Variants in LSM4 observed in about 807,000 individuals in gnomAD.
LSM4 encodes U6 snRNA-associated Sm-like protein LSm4.
Under a neutral mutation model 22.3 loss-of-function variants are expected in LSM4, and 15 were observed. That is an observed-to-expected ratio of 0.67 (90% CI 0.45 to 1.03). The LOEUF is 1.03. Ranked by LOEUF, LSM4 falls within the 50% of genes least tolerant of loss-of-function variation. The pLI, the probability that LSM4 is intolerant of heterozygous loss-of-function variation, is 0.00. For synonymous variants in LSM4, 90 were observed against 79.8 expected (o/e 1.13, Z -0.68); for missense variants, 127 against 198.0 (o/e 0.64, Z 2.15).
chr19:18,315,993 A>C, intron 2 of LSM4, 31 bp downstream of exon 2: 2 of 1,609,356 alleles, frequency 1.2e-6, no homozygotes, highest in Non-Finnish European at 1.7e-6. Context: ...CCCCCTCTCA[A>C]ACAGGCTTTC....
chr19:18,309,484 G>C, intron 4 of LSM4, 194 bp downstream of exon 4: 1 of 589,072 alleles, frequency 1.7e-6, no homozygotes. Context: ...AGGAGGCGCA[G>C]TGAGAGGAGG....
rs530775875 is a variant in LSM4 at position 18,317,767 on chromosome 19, G to T, written c.4-1702C>A. ...GCTGGTTTTGAACTCTTGGCCTCAG[G>T]GAATCCTCCCATCTCAAGCTCCCAA... On this transcript the variant is annotated intron_variant, in intron 1 of 4. Transcript: ENST00000593829. Among the ~76,000 whole-genome samples the T allele has an allele frequency of 4.9e-4, 74 of 152,110 alleles. 1 individual carries two copies. Among genetic ancestry groups the T allele is most frequent in the Admixed American group, 1.6e-3 (24 of 15,252 alleles).
At chr19:18,313,457 G>C (rs542913851) in intron 2 of LSM4, among the ~76,000 whole-genome samples, 4 of 152,306 alleles carry the variant, frequency 2.6e-5, no homozygotes, top group African/African-American at 9.6e-5. Flanking sequence ...GGTATGTTTT[G>C]AGAACAAAGA....
intron 1 of LSM4, 127 bp downstream of exon 1, chr19:18,322,891 G>T: frequency 7.4e-7 from 1 of 1,350,028 alleles, no homozygotes; most frequent in Non-Finnish European, 1.0e-6. Flanking sequence ...CGTGCCGGGG[G>T]GCGGGACTCG....
At chr19:18,307,817 T>G (rs1970247655) in intron 4 of LSM4, among the ~76,000 whole-genome samples, 1 of 148,026 alleles carries the variant, frequency 6.8e-6, no homozygotes, top group Admixed American at 6.7e-5. Context: ...CAGAGGACAC[T>G]AAGTCACATT....
chr19:18,311,253 C>T (rs1030190059), intron 3 of LSM4, among the ~76,000 whole-genome samples: 5 of 152,246 alleles, frequency 3.3e-5, no homozygotes, highest in Middle Eastern at 3.4e-3. Context: ...CTGCCCACAG[C>T]GCTCCAGAGG....
intron 4 of LSM4, among the ~76,000 whole-genome samples, chr19:18,309,129 C>G (rs1305596183): frequency 2.0e-5 from 3 of 152,134 alleles, no homozygotes; most frequent in Admixed American, 6.5e-5. Context: ...TGGGGCCTTC[C>G]GGGGGCAGCC....
intron 1 of LSM4, 68 bp downstream of exon 1, chr19:18,322,950 G>T: frequency 1.3e-6 from 2 of 1,575,890 alleles, no homozygotes; most frequent in South Asian, 2.3e-5. Flanking sequence ...CACAGCGCCC[G>T]CCCGCAGGGA....
chr19:18,316,098 G>A (rs778892934), intron 1 of LSM4, 33 bp from the exon 2 acceptor site: 7 of 1,611,416 alleles, frequency 4.3e-6, no homozygotes, highest in Non-Finnish European at 5.1e-6. Flanking sequence ...TGATTTGTCT[G>A]TTTGACCAGC....
chr19:18,311,155 C>T (rs946268838), intron 3 of LSM4, among the ~76,000 whole-genome samples: 6 of 152,118 alleles, frequency 3.9e-5, no homozygotes, highest in Non-Finnish European at 7.4e-5. Context: ...GGTGACTTGG[C>T]GCCCAGCTCT....
intron 2 of LSM4, among the ~76,000 whole-genome samples, chr19:18,315,129 G>A (rs1445668937): frequency 5.3e-5 from 8 of 151,708 alleles, no homozygotes; most frequent in Non-Finnish European, 8.8e-5. Context: ...TGCCCGCCTC[G>A]GCCTCCCAAA....
chr19:18,317,606 C>T (rs1970371601), intron 1 of LSM4, among the ~76,000 whole-genome samples: 1 of 152,142 alleles, frequency 6.6e-6, no homozygotes, highest in Non-Finnish European at 1.5e-5. Context: ...CTTGGCCTCT[C>T]AAAGTGCTGG....
chr19:18,309,826 G>A lies in LSM4; in HGVS notation c.180C>T (p.Tyr60=), dbSNP rs1422381055. ...GDKFWRMPEC[Y]IRGSTIKYLR... ...GGTACTTGATGGTGCTGCCGCGGATGTAGCACTCGGGCATCCGCCAGAACT... is the reference window on the plus strand; with the variant it reads ...GGTACTTGATGGTGCTGCCGCGGATATAGCACTCGGGCATCCGCCAGAACT... Residue 60 remains tyrosine (Y), a synonymous_variant, in exon 4 of 5, where the codon TAC becomes TAT. Coordinates refer to ENST00000593829, the MANE Select transcript of LSM4 (RefSeq NM_012321.5). 1 of 1,613,794 alleles carries A rather than the reference G, an allele frequency of 6.2e-7. No homozygotes were observed. Among genetic ancestry groups the A allele is most frequent in the Admixed American group, 1.7e-5 (1 of 59,966 alleles).
chr19:18,309,354 T>A (rs545297061), intron 4 of LSM4: 4 of 377,546 alleles, frequency 1.1e-5, no homozygotes, highest in African/African-American at 8.4e-5. Context: ...TGGCTCTGGA[T>A]AGAGCCACGC....
chr19:18,313,124 CAGG>C (rs1159631318), intron 2 of LSM4, among the ~76,000 whole-genome samples: 1 of 152,122 alleles, frequency 6.6e-6, no homozygotes, highest in African/African-American at 2.4e-5. Context: ...GAGCCTGAGG[CAGG>C]AGAACTGTTT....
At chr19:18,316,921 G>C (rs1375346621) in intron 1 of LSM4, among the ~76,000 whole-genome samples, 1 of 152,072 alleles carries the variant, frequency 6.6e-6, no homozygotes, top group Non-Finnish European at 1.5e-5. Context: ...CATCTGAGCT[G>C]GTTTTATTTT....
Position 18,311,997 on chromosome 19 carries a change from C to T in LSM4, c.144+607G>A, listed in dbSNP as rs552595642. 9.8e-4 allele frequency among the ~76,000 whole-genome samples: 149 copies of T among 152,270 alleles called. 1 individual carries two copies. In the Middle Eastern group the frequency reaches 0.014, roughly 14 times the overall value. Reference sequence around the variant, plus strand: ...GTTGGTGGGAGGAGTCCAAGGGAGCCGCTGCCTTCAGCACCATCCCTGGCC... The same window carrying T: ...GTTGGTGGGAGGAGTCCAAGGGAGCTGCTGCCTTCAGCACCATCCCTGGCC... On this transcript the variant is annotated intron_variant, in intron 3 of 4. Transcript: ENST00000593829.
Position 18,323,068 on chromosome 19 carries a change from G to A in LSM4, c.-48C>T, listed in dbSNP as rs971999064. ...GCCGGCCACTTCCGCCGCCGCCGCT[G>A]CACACGCTCCCGGCGGTCGTCGCCG... On this transcript the variant is annotated 5_prime_UTR_variant, in exon 1 of 5. Transcript: ENST00000593829. 1.3e-6 allele frequency: 2 copies of A among 1,486,752 alleles called. No homozygotes were observed. Among genetic ancestry groups the A allele is most frequent in the East Asian group, 2.7e-5 (1 of 36,770 alleles). 92.1% of individuals were successfully genotyped at this position (1,486,752 alleles called of 1,614,324 possible).
chr19:18,307,947 C>T (rs1300786386), intron 4 of LSM4, among the ~76,000 whole-genome samples: 4 of 120,876 alleles, frequency 3.3e-5, no homozygotes, highest in Middle Eastern at 4.3e-3. Flanking sequence ...GGCTCCCTGG[C>T]GGGGGGGGGG....
Sources: gnomAD v4.1 joint callset for allele counts (sites outside exome capture counted in the v4.1 genomes callset) on GRCh38, gnomAD v4.1.1 for gene constraint, MANE v1.5 for transcripts, NCBI Gene and HGNC (gene_info 2026-07-23, HGNC 2026-07-21) for gene names.